ANXA6: variants seen among roughly 807,000 people sequenced by gnomAD.
The protein encoded by ANXA6 is 67 kDa calelectrin.
Under a neutral mutation model 95.4 loss-of-function variants are expected in ANXA6, and 71 were observed. That is an observed-to-expected ratio of 0.74 (90% confidence interval 0.61 to 0.91). ANXA6 has a LOEUF of 0.91. Ranked by LOEUF, ANXA6 falls within the 40% of genes least tolerant of loss-of-function variation. ANXA6 has a pLI of 0.00. For synonymous variants in ANXA6, 289 were observed against 315.9 expected, an observed-to-expected ratio of 0.91 and a Z score of 0.90; for missense variants, 830 against 876.4, an observed-to-expected ratio of 0.95 and a Z score of 0.67.
Position 151,129,537 on chromosome 5 carries a change from A to G in ANXA6, c.796-8T>C. 3 of 1,596,112 alleles carry G rather than the reference A, an allele frequency of 1.9e-6. No individual in the cohort carries two copies. The highest frequency in any genetic ancestry group is 2.6e-6 in the Non-Finnish European group (3 of 1,170,970). ...GTCCCGAGTCCCCAGGCCCTGCAAG[A>G]CAAGTGGGTTTGGGGAACATGGACT... On this transcript the variant is annotated splice_polypyrimidine_tract_variant and splice_region_variant and intron_variant, in intron 11 of 25. Transcript: ENST00000354546.
chr5:151,137,413 C>A lies in ANXA6; in HGVS notation c.319-92G>T, dbSNP rs560528752. ...TCAGGGAGTGGCCAGAGCTATGACACCCCAGGACTCAGGAGGTTCCTACCC... is the reference window on the plus strand; with the variant it reads ...TCAGGGAGTGGCCAGAGCTATGACAACCCAGGACTCAGGAGGTTCCTACCC... On this transcript the variant is annotated intron_variant, in intron 5 of 25. Transcript: ENST00000354546. The A allele has an allele frequency of 4.1e-6, 4 of 965,410 alleles. No individual in the cohort carries two copies. In the Admixed American group the frequency reaches 9.0e-5, roughly 22 times the overall value. The allele number at this position is 965,410 out of a possible 1,614,324, so 59.8% of individuals were successfully genotyped here.
intron 13 of ANXA6, 132 bp from the exon 14 acceptor site, chr5:151,126,612 A>T (rs1480260879): frequency 1.4e-6 from 1 of 718,864 alleles, no homozygotes; most frequent in African/African-American, 1.8e-5. Context: ...CACACACATT[A>T]AGCTTTCTTT....
rs758790074 is a variant in ANXA6, at chr5:151,136,305, A to G, written c.440T>C (p.Ile147Thr). Residue 147 changes from isoleucine (I) to threonine (T), a missense_variant, in exon 7 of 26, where the codon ATC (isoleucine) becomes ACC (threonine). Coordinates refer to ENST00000354546, the MANE Select transcript of ANXA6 (RefSeq NM_001155.5). ...AYERDLEADI[I>T]GDTSGHFQKM... The stretch of plus-strand genomic sequence containing the variant: ...CTGGAAGTGGCCAGAGGTGTCGCCG[A>G]TGATGTCAGCCTCCAGGTCCCGCTC... The G allele has an allele frequency of 1.1e-5, 17 of 1,613,822 alleles. No homozygotes were observed. In the Admixed American group the frequency reaches 1.5e-4, roughly 14 times the overall value.
At position 151,149,064 on chromosome 5, in the gene ANXA6, C is replaced by T. The variant is rs542454384; in HGVS notation, c.-25-1138G>A. On this transcript the variant is annotated intron_variant, in intron 1 of 25. Transcript: ENST00000354546. ...GACATGGTGGCACATGCCTATAGTC[C>T]CAGCTACTTGGGAGGCTGAGGCGAG... Among the ~76,000 whole-genome samples the T allele has an allele frequency of 4.0e-5, 6 of 151,136 alleles. No individual in the cohort carries two copies. The South Asian group carries it at 1.3e-3, about 32-fold the overall frequency.
intron 8 of ANXA6, among the ~76,000 whole-genome samples, chr5:151,133,925 C>T (rs1043739901): frequency 6.6e-6 from 1 of 152,182 alleles, no homozygotes; most frequent in Non-Finnish European, 1.5e-5. Context: ...TGTCTATCTC[C>T]ACACTATTGC....
At chr5:151,129,164 G>C (rs916616304) in intron 12 of ANXA6, among the ~76,000 whole-genome samples, 2 of 152,160 alleles carry the variant, frequency 1.3e-5, no homozygotes, top group African/African-American at 4.8e-5. Context: ...TTCAGCTTGC[G>C]TGTCCTTCAT....
chr5:151,128,096 C>G, intron 13 of ANXA6, 85 bp downstream of exon 13: 1 of 1,187,886 alleles, frequency 8.4e-7, no homozygotes, highest in Non-Finnish European at 1.2e-6. Flanking sequence ...CTCATCCAAT[C>G]CACCCATCAG....
At chr5:151,105,131 T>C in intron 24 of ANXA6, 114 bp downstream of exon 24, 6 of 1,029,022 alleles carry the variant, frequency 5.8e-6, no homozygotes, top group Non-Finnish European at 7.5e-6. Context: ...AAATGTCAAA[T>C]GGGAAGAAAC....
At chr5:151,129,759 G>T (rs2113928562) in intron 11 of ANXA6, among the ~76,000 whole-genome samples, 1 of 152,174 alleles carries the variant, frequency 6.6e-6, no homozygotes, top group Admixed American at 6.5e-5. Flanking sequence ...TGTCCAGGCT[G>T]GAGTGCAGTG....
intron 22 of ANXA6, 36 bp from the exon 23 acceptor site, chr5:151,108,586 C>T: frequency 6.3e-7 from 1 of 1,590,550 alleles, no homozygotes; most frequent in South Asian, 1.1e-5. Flanking sequence ...TGGGGGTGAG[C>T]TTCAGTGCAG....
intron 11 of ANXA6, among the ~76,000 whole-genome samples, chr5:151,129,971 C>T (rs982114544): frequency 5.9e-5 from 9 of 152,106 alleles, no homozygotes; most frequent in African/African-American, 1.7e-4. Flanking sequence ...CAAAATGCTA[C>T]GATTACACAC....
intron 12 of ANXA6, among the ~76,000 whole-genome samples, chr5:151,129,133 G>A (rs1174178339): frequency 6.6e-6 from 1 of 152,156 alleles, no homozygotes; most frequent in Admixed American, 6.5e-5. Context: ...ACTGCCCTTG[G>A]GGCAGAGTCC....
intron 14 of ANXA6, 61 bp from the exon 15 acceptor site, chr5:151,124,428 A>G: frequency 6.6e-7 from 1 of 1,516,790 alleles, no homozygotes; most frequent in Non-Finnish European, 9.0e-7. Flanking sequence ...ACCAGGCTGA[A>G]AGACAGCATG....
chr5:151,101,535 GA>G, intron 25 of ANXA6, 28 bp from the exon 26 acceptor site: 1 of 1,550,500 alleles, frequency 6.4e-7, no homozygotes. Flanking sequence ...CAGAGTGAGT[GA>G]AAACAGTCCT....
chr5:151,135,491 T>C (rs1435978946), intron 7 of ANXA6, among the ~76,000 whole-genome samples: 2 of 152,114 alleles, frequency 1.3e-5, no homozygotes, highest in African/African-American at 2.4e-5. Flanking sequence ...CGAGGAAACA[T>C]AGTGGTGGCT....
intron 11 of ANXA6, among the ~76,000 whole-genome samples, chr5:151,131,028 C>T (rs1765496361): frequency 1.3e-5 from 2 of 152,208 alleles, no homozygotes; most frequent in Admixed American, 6.5e-5. Context: ...TGACTCATGA[C>T]GTCAGGCAGG....
chr5:151,153,351 G>GCCTGC (rs1324115613), intron 1 of ANXA6, among the ~76,000 whole-genome samples: 1 of 152,218 alleles, frequency 6.6e-6, no homozygotes, highest in African/African-American at 2.4e-5. Flanking sequence ...GTGAGGCCTG[G>GCCTGC]CCTTTGGTAA....
At chr5:151,117,444 G>A (rs1162560789) in intron 19 of ANXA6, among the ~76,000 whole-genome samples, 1 of 152,206 alleles carries the variant, frequency 6.6e-6, no homozygotes, top group Non-Finnish European at 1.5e-5. Context: ...GGGAATTCAA[G>A]AGATGGTGAC....
At chr5:151,129,198 T>C (rs1334053068) in intron 12 of ANXA6, among the ~76,000 whole-genome samples, 2 of 152,222 alleles carry the variant, frequency 1.3e-5, no homozygotes, top group African/African-American at 4.8e-5. Flanking sequence ...CCTCCTTCTG[T>C]AGCCTTACCA....
Sources: allele counts gnomAD v4.1 joint callset (sites outside exome capture counted in the v4.1 genomes callset), GRCh38; gene constraint gnomAD v4.1.1; transcripts MANE v1.5; gene names NCBI Gene and HGNC (gene_info 2026-07-23, HGNC 2026-07-21).